TTC6: variants seen among roughly 807,000 people sequenced by gnomAD.
The protein encoded by TTC6 is tetratricopeptide repeat domain 6, also known as tetratricopeptide repeat protein 6.
TTC6 carries 172 observed loss-of-function variants against 210.4 expected under a neutral mutation model. The observed-to-expected ratio is 0.82, with a 90% confidence interval of 0.72 to 0.93. The LOEUF (loss-of-function observed/expected upper bound fraction) is 0.93, where lower values mean the gene tolerates loss of function less well. TTC6 is among the 40% of genes least tolerant of loss of function. TTC6 has a pLI of 0.00. For synonymous variants in TTC6, 804 were observed against 819.6 expected (o/e 0.98, Z 0.32); for missense variants, 2,414 against 2,318.1 (o/e 1.04, Z -0.85).
rs549778234 is a variant in TTC6, at chr14:37,613,286, A to G, written c.-155+6544A>G. ...GTGAATTATATTGATTTGCAAATAAATATAATAAAATCAGATACTTAAATC... is the reference window on the plus strand; with the variant it reads ...GTGAATTATATTGATTTGCAAATAAGTATAATAAAATCAGATACTTAAATC... On this transcript the variant is annotated intron_variant, in intron 2 of 2. Coordinates refer to the TTC6 transcript ENST00000556845. 1.8e-4 allele frequency among the ~76,000 whole-genome samples: 27 copies of G among 152,240 alleles called. 1 individual carries two copies. The highest frequency in any genetic ancestry group is 3.4e-3 in the Middle Eastern group (1 of 294).
chr14:37,742,249 C>T (rs991186887), intron 10 of TTC6, among the ~76,000 whole-genome samples: 1 of 152,190 alleles, frequency 6.6e-6, no homozygotes, highest in Non-Finnish European at 1.5e-5. Context: ...TTGACCTGCT[C>T]CTGCGAGTGA....
chr14:37,841,513 T>C (rs1487547322), exon 30 of TTC6: 1 of 1,600,062 alleles, frequency 6.2e-7, no homozygotes, highest in Non-Finnish European at 8.5e-7. Context: ...TGAATCGAGC[T>C]ATTACAAATA....
chr14:37,727,883 G>A (rs1444654406), intron 7 of TTC6, among the ~76,000 whole-genome samples: 1 of 151,972 alleles, frequency 6.6e-6, no homozygotes, highest in Non-Finnish European at 1.5e-5. Flanking sequence ...CCAGTTTCTT[G>A]GAATTTATGG....
intron 1 of TTC6, among the ~76,000 whole-genome samples, chr14:37,637,768 A>T (rs1041101134): frequency 4.6e-5 from 7 of 152,242 alleles, no homozygotes; most frequent in African/African-American, 1.4e-4. Context: ...AATTAAAACC[A>T]CAGTGACATG....
chr14:37,671,425 G>A (rs548493328), intron 1 of TTC6, among the ~76,000 whole-genome samples: 1 of 152,244 alleles, frequency 6.6e-6, no homozygotes, highest in East Asian at 1.9e-4. Flanking sequence ...GATCATCTTG[G>A]ACAATAGCTA....
At chr14:37,674,751 G>A (rs1293212898) in intron 1 of TTC6, among the ~76,000 whole-genome samples, 4 of 152,004 alleles carry the variant, frequency 2.6e-5, no homozygotes, top group African/African-American at 4.8e-5. Flanking sequence ...TGAATAAAGC[G>A]CATTATTTTT....
At chr14:37,704,243 T>C (rs2095831081) in intron 5 of TTC6, among the ~76,000 whole-genome samples, 1 of 152,080 alleles carries the variant, frequency 6.6e-6, no homozygotes, top group Non-Finnish European at 1.5e-5. Flanking sequence ...TTTGTAGACA[T>C]AGAGTCTCAC....
In TTC6 at chr14:37,811,871, T is replaced by G. The variant is rs1024946009; in HGVS notation, c.4570-443T>G. Among the ~76,000 whole-genome samples, 90 of 152,346 alleles carry G rather than the reference T, an allele frequency of 5.9e-4. 1 individual carries two copies. The highest frequency in any genetic ancestry group is 2.0e-3 in the African/African-American group (84 of 41,578). On this transcript the variant is annotated intron_variant, in intron 24 of 30. Coordinates refer to ENST00000553443, the Ensembl canonical transcript of TTC6. Reference sequence around the variant, plus strand: ...AATGCATGCTATGTGCAGGCTTGATTCTTGTTACTGGGCTTAAAACAGTGA... The same window carrying G: ...AATGCATGCTATGTGCAGGCTTGATGCTTGTTACTGGGCTTAAAACAGTGA...
intron 29 of TTC6, among the ~76,000 whole-genome samples, chr14:37,838,798 A>C (rs77726896): frequency 6.6e-5 from 10 of 151,894 alleles, no homozygotes; most frequent in African/African-American, 2.4e-4. Context: ...CATCATTTAC[A>C]TATCCCTCCC....
chr14:37,670,007 A>T (rs2095755213), intron 1 of TTC6, among the ~76,000 whole-genome samples: 1 of 152,310 alleles, frequency 6.6e-6, no homozygotes, highest in African/African-American at 2.4e-5. Flanking sequence ...TGGAGAAGAG[A>T]TGACTGATGG....
At chr14:37,695,511 C>T (rs1471323979) in intron 3 of TTC6, among the ~76,000 whole-genome samples, 4 of 152,074 alleles carry the variant, frequency 2.6e-5, no homozygotes, top group African/African-American at 7.2e-5. Flanking sequence ...TGCACCACCA[C>T]GCCTAGCTAA....
intron 3 of TTC6, among the ~76,000 whole-genome samples, chr14:37,690,468 T>C (rs1478786589): frequency 1.3e-5 from 2 of 152,118 alleles, no homozygotes; most frequent in African/African-American, 4.8e-5. Context: ...CTGATTGATC[T>C]GTTGCCTACA....
At chr14:37,649,114 A>G (rs1437698550) in intron 1 of TTC6, among the ~76,000 whole-genome samples, 1 of 152,136 alleles carries the variant, frequency 6.6e-6, no homozygotes, top group Non-Finnish European at 1.5e-5. Flanking sequence ...CAACATTGTT[A>G]GTCCACACAG....
chr14:37,777,186 T>G (rs1040971027), intron 14 of TTC6, among the ~76,000 whole-genome samples: 3 of 152,210 alleles, frequency 2.0e-5, no homozygotes, highest in African/African-American at 7.2e-5. Context: ...TATACTGAAA[T>G]AAATTTTCCA....
intron 26 of TTC6, among the ~76,000 whole-genome samples, chr14:37,818,459 T>C (rs1178435056): frequency 6.6e-6 from 1 of 151,754 alleles, no homozygotes; most frequent in Non-Finnish European, 1.5e-5. Flanking sequence ...GTTTATAGCT[T>C]TTTTTCCCCT....
chr14:37,785,864 G>T (rs928394569), intron 14 of TTC6, among the ~76,000 whole-genome samples: 39 of 152,164 alleles, frequency 2.6e-4, no homozygotes, highest in African/African-American at 9.2e-4. Context: ...CTCAGCTGCA[G>T]GTCTGTTGGA....
chr14:37,827,239 A>G (rs994453710), exon 29 of TTC6: 4 of 1,612,888 alleles, frequency 2.5e-6, no homozygotes, highest in East Asian at 2.2e-5. Context: ...GGGGTGATTC[A>G]TGAGTTTATG....
intron 1 of TTC6, among the ~76,000 whole-genome samples, chr14:37,627,297 T>A (rs113099897): frequency 1.4e-4 from 21 of 152,158 alleles, no homozygotes; most frequent in Non-Finnish European, 2.4e-4. Flanking sequence ...CTTTTTTTTT[T>A]AAATTGTATT....
At chr14:37,768,100 G>C (rs1317240601) in intron 14 of TTC6, among the ~76,000 whole-genome samples, 7 of 151,132 alleles carry the variant, frequency 4.6e-5, no homozygotes, top group East Asian at 1.9e-4. Flanking sequence ...TGTCAAAGAT[G>C]AGATAGTTGT....
Sources: gnomAD v4.1 joint callset for allele counts (sites outside exome capture counted in the v4.1 genomes callset) on GRCh38, gnomAD v4.1.1 for gene constraint, MANE v1.5 for transcripts, NCBI Gene and HGNC (gene_info 2026-07-23, HGNC 2026-07-21) for gene names.